Variants in NRXN1 observed in about 807,000 individuals in gnomAD.
NRXN1 encodes the protein neurexin 1.
Under a neutral mutation model 150.9 loss-of-function variants are expected in NRXN1, and 39 were observed. The observed-to-expected ratio is 0.26, with a 90% CI of 0.20 to 0.34. The LOEUF (loss-of-function observed/expected upper bound fraction) is 0.34. Among genes scored for constraint, NRXN1 ranks in the 10% least tolerant of loss-of-function variants. The probability of loss-of-function intolerance (pLI) is 1.00; values close to 1 mark genes in which losing one functional copy is unlikely to be tolerated. For synonymous variants in NRXN1, 924 were observed against 757.0 expected (o/e 1.22, Z -3.62); for missense variants, 1,815 against 1,949.9 (o/e 0.93, Z 1.30).
At position 49,953,823 on chromosome 2, in the gene NRXN1, C is replaced by A. The variant is rs922163581; in HGVS notation, c.4129-10032G>T. On this transcript the variant is annotated intron_variant, in intron 21 of 22. Coordinates refer to ENST00000401669, the MANE Select transcript of NRXN1 (RefSeq NM_001330078.2). ...ATTATTATAGAAAACACATGGACAC[C>A]GGGAGGGCAACATCACACACCACAG... 2.6e-5 allele frequency among the ~76,000 whole-genome samples: 4 copies of A among 151,628 alleles called. No individual in the cohort carries two copies. The South Asian group carries it at 8.3e-4, about 32-fold the overall frequency.
chr2:50,921,798 T>C (rs2104279419), intron 5 of NRXN1, 71 bp downstream of exon 5: 2 of 712,918 alleles, frequency 2.8e-6, no homozygotes, highest in Non-Finnish European at 2.1e-6. Context: ...AAGGTCTAAA[T>C]ACATTTATGT....
intron 18 of NRXN1, among the ~76,000 whole-genome samples, chr2:50,212,905 T>A (rs17040234): frequency 1.3e-5 from 2 of 151,830 alleles, no homozygotes; most frequent in Non-Finnish European, 2.9e-5. Flanking sequence ...TGGTTCTTCA[T>A]CATGAGAATT....
chr2:50,192,505 G>C (rs980520502), intron 18 of NRXN1, among the ~76,000 whole-genome samples: 2 of 151,766 alleles, frequency 1.3e-5, no homozygotes, highest in East Asian at 3.9e-4. Context: ...TTAGTAATTT[G>C]CATAGCAGGT....
chr2:50,935,414 A>G (rs1688384519), intron 2 of NRXN1, among the ~76,000 whole-genome samples: 2 of 152,162 alleles, frequency 1.3e-5, no homozygotes, highest in African/African-American at 4.8e-5. Flanking sequence ...GAAGGCAAAT[A>G]AAAACTGAGT....
intron 5 of NRXN1, among the ~76,000 whole-genome samples, chr2:50,677,193 C>G (rs147501929): frequency 1.3e-5 from 2 of 152,080 alleles, no homozygotes; most frequent in African/African-American, 2.4e-5. Context: ...AAGAAAAACA[C>G]GGAGAGCAGC....
In NRXN1 at chr2:50,121,396, T is replaced by C. The variant is rs115171090; in HGVS notation, c.3547-29902A>G. Among the ~76,000 whole-genome samples the C allele has an allele frequency of 2.2e-3, 337 of 152,296 alleles. 2 individuals are homozygous for C. Among genetic ancestry groups the C allele is most frequent in the African/African-American group, 7.9e-3 (327 of 41,574 alleles). On this transcript the variant is annotated intron_variant, in intron 18 of 22. Coordinates refer to ENST00000401669, the MANE Select transcript of NRXN1 (RefSeq NM_001330078.2). ...GTAGAATAATAAACTCCATTTTACATATGATGAAACTAAGGCACAAAGAAC... is the reference window on the plus strand; with the variant it reads ...GTAGAATAATAAACTCCATTTTACACATGATGAAACTAAGGCACAAAGAAC...
intron 17 of NRXN1, among the ~76,000 whole-genome samples, chr2:50,440,658 G>GT (rs984367555): frequency 9.2e-5 from 14 of 151,966 alleles, no homozygotes; most frequent in African/African-American, 2.2e-4. Flanking sequence ...TCCTTCCTCA[G>GT]TTTTTTTGTT....
intron 8 of NRXN1, among the ~76,000 whole-genome samples, chr2:50,566,825 T>G (rs1177327577): frequency 6.6e-6 from 1 of 152,140 alleles, no homozygotes; most frequent in African/African-American, 2.4e-5. Context: ...CCCCATGGGA[T>G]AGTAGCTGAG....
At chr2:50,617,131 C>T (rs1559025564) in intron 8 of NRXN1, among the ~76,000 whole-genome samples, 1 of 152,078 alleles carries the variant, frequency 6.6e-6, no homozygotes, top group Non-Finnish European at 1.5e-5. Flanking sequence ...AAACTATCAA[C>T]AACTAAAAAG....
Position 50,052,847 on chromosome 2 carries a change from T to C in NRXN1, c.4128+424A>G, listed in dbSNP as rs140132692. 1.1e-4 allele frequency among the ~76,000 whole-genome samples: 16 copies of C among 152,308 alleles called. No individual in the cohort carries two copies. The East Asian group carries it at 2.9e-3, about 28-fold the overall frequency. On this transcript the variant is annotated intron_variant, in intron 21 of 22. Transcript: ENST00000401669. ...ACTTCAAAATACTATAGAAGTATTG[T>C]ACTATTAAAATATCTCTTTTAAGAT...
intron 5 of NRXN1, among the ~76,000 whole-genome samples, chr2:50,804,068 C>T (rs979173413): frequency 3.6e-4 from 55 of 152,160 alleles, no homozygotes; most frequent in Non-Finnish European, 1.5e-5. Flanking sequence ...GTAAATATTG[C>T]TGTGATTCTT....
At chr2:50,925,224 A>C (rs1686684304) in intron 3 of NRXN1, among the ~76,000 whole-genome samples, 1 of 151,850 alleles carries the variant, frequency 6.6e-6, no homozygotes, top group Non-Finnish European at 1.5e-5. Context: ...TTAAGTTCTT[A>C]AAAAATGAGA....
At chr2:50,091,578 A>C in intron 18 of NRXN1, 84 bp from the exon 19 acceptor site, 1 of 1,441,720 alleles carries the variant, frequency 6.9e-7, no homozygotes, top group Non-Finnish European at 9.7e-7. Flanking sequence ...TATTGTTTTA[A>C]AATGTGCTTT....
intron 2 of NRXN1, among the ~76,000 whole-genome samples, chr2:50,941,473 T>A (rs533208097): frequency 4.6e-5 from 7 of 152,276 alleles, no homozygotes; most frequent in Non-Finnish European, 8.8e-5. Flanking sequence ...GATAGTGATA[T>A]TAACAATGAA....
intron 5 of NRXN1, among the ~76,000 whole-genome samples, chr2:50,701,633 G>A (rs1693758856): frequency 6.6e-6 from 1 of 152,066 alleles, no homozygotes; most frequent in Non-Finnish European, 1.5e-5. Flanking sequence ...CATCACAAGG[G>A]ACTGAAAGGA....
intron 17 of NRXN1, among the ~76,000 whole-genome samples, chr2:50,425,805 G>A (rs2084431106): frequency 6.6e-6 from 1 of 152,040 alleles, no homozygotes. Context: ...CCCCCGACAG[G>A]GCCCCTGTTG....
intron 2 of NRXN1, among the ~76,000 whole-genome samples, chr2:50,976,832 G>A (rs1024209725): frequency 6.6e-6 from 1 of 151,976 alleles, no homozygotes; most frequent in African/African-American, 2.4e-5. Flanking sequence ...AATGTCCTCA[G>A]CAAGTAGACT....
At chr2:50,496,572 C>T (rs1224587890) in intron 14 of NRXN1, among the ~76,000 whole-genome samples, 1 of 152,200 alleles carries the variant, frequency 6.6e-6, no homozygotes, top group Admixed American at 6.5e-5. Flanking sequence ...CCTGAAGAGT[C>T]TCCTGAGCCT....
At chr2:50,877,214 TATACACAC>T (rs1390126623) in intron 5 of NRXN1, among the ~76,000 whole-genome samples, 2 of 151,532 alleles carry the variant, frequency 1.3e-5, no homozygotes, top group Non-Finnish European at 3.0e-5. Context: ...CACACATATA[TATACACAC>T]ATACACACAT....
Sources: allele counts gnomAD v4.1 joint callset (sites outside exome capture counted in the v4.1 genomes callset), GRCh38; gene constraint gnomAD v4.1.1; transcripts MANE v1.5; gene names NCBI Gene and HGNC (gene_info 2026-07-23, HGNC 2026-07-21).